Variants in RBBP9 observed in about 807,000 individuals in gnomAD.
The protein encoded by RBBP9 is RB binding protein 9, serine hydrolase, also known as serine hydrolase RBBP9.
In RBBP9, 20 loss-of-function variants were observed where a neutral mutation model predicts 24.2. The observed-to-expected ratio is 0.83, with a 90% CI of 0.58 to 1.20. RBBP9 has a LOEUF of 1.20. RBBP9 is among the 50% of genes most tolerant of loss of function. RBBP9 has a pLI of 0.00. For missense variants in RBBP9, 234 were observed against 233.6 expected (o/e 1.00, Z -0.01); for synonymous variants, 74 against 84.6 (o/e 0.87, Z 0.69).
intron 1 of RBBP9, 132 bp downstream of exon 1, chr20:18,496,937 G>A: frequency 2.8e-6 from 2 of 705,252 alleles, no homozygotes; most frequent in Non-Finnish European, 4.8e-6. Flanking sequence ...GAAGGCAGCG[G>A]GGGAGAGGCA....
At chr20:18,491,679 T>C (rs574560394) in intron 3 of RBBP9, among the ~76,000 whole-genome samples, 15 of 152,208 alleles carry the variant, frequency 9.9e-5, no homozygotes, top group African/African-American at 3.4e-4. Flanking sequence ...GAAAGACACA[T>C]AGTAGTAATA....
In RBBP9 at chr20:18,491,422, G is replaced by A. The variant is rs2059865042; in HGVS notation, c.249-942C>T. Among the ~76,000 whole-genome samples, 3 of 152,134 alleles carry A rather than the reference G, an allele frequency of 2.0e-5. No individual in the cohort carries two copies. In the South Asian group the frequency reaches 6.2e-4, roughly 32 times the overall value. ...CAAGTAGACACCCAGCTAACTCTTA[G>A]GTTGGTACAAAAGTAATTGCAGTTT... On this transcript the variant is annotated intron_variant, in intron 3 of 4. Coordinates refer to ENST00000337227, the MANE Select transcript of RBBP9 (RefSeq NM_006606.3).
intron 1 of RBBP9, among the ~76,000 whole-genome samples, chr20:18,496,540 A>G (rs2059887401): frequency 6.6e-6 from 1 of 152,228 alleles, no homozygotes; most frequent in Non-Finnish European, 1.5e-5. Flanking sequence ...TAAAAAGAGA[A>G]GCAGATGAAA....
intron 3 of RBBP9, among the ~76,000 whole-genome samples, chr20:18,490,785 T>C (rs1484835748): frequency 1.3e-5 from 2 of 151,796 alleles, no homozygotes; most frequent in Non-Finnish European, 2.9e-5. Flanking sequence ...GTTCAAACAA[T>C]TCTCCTGTTT....
intron 1 of RBBP9, 95 bp from the exon 2 acceptor site, chr20:18,495,975 C>T: frequency 2.9e-6 from 3 of 1,017,532 alleles, no homozygotes; most frequent in African/African-American, 1.7e-5. Flanking sequence ...ATGATCGTTA[C>T]CAATTCAGTA....
chr20:18,492,096 CAAAAA>C (rs71194242), intron 3 of RBBP9, among the ~76,000 whole-genome samples: 2 of 70,058 alleles, frequency 2.9e-5, no homozygotes, highest in Non-Finnish European at 5.3e-5. Flanking sequence ...GGCTCTGTCT[CAAAAA>C]AAAAAAAAAA....
chr20:18,495,644 G>GAAAAAAAAA, intron 2 of RBBP9, among the ~76,000 whole-genome samples, 194 bp downstream of exon 2: 1 of 91,756 alleles, frequency 1.1e-5, no homozygotes, highest in Non-Finnish European at 2.3e-5. Flanking sequence ...TCACAGAATT[G>GAAAAAAAAA]AAAAAAAAAA....
In RBBP9 at chr20:18,489,370, T is replaced by C. The variant is rs1307178581; in HGVS notation, c.*394A>G. On this transcript the variant is annotated 3_prime_UTR_variant, in exon 5 of 5. Transcript: ENST00000337227. ...ACTCTGGACTTTCAGTCATGTTTTC[T>C]TTCCCCAGTGAAATAGAAAAGTTTG... 5 of 156,208 alleles carry C rather than the reference T, an allele frequency of 3.2e-5. No individual in the cohort carries two copies. The highest frequency in any genetic ancestry group is 2.6e-4 in the Admixed American group (4 of 15,532). 9.7% of individuals were successfully genotyped at this position (156,208 alleles called of 1,614,324 possible).
In RBBP9 at chr20:18,495,899, G is replaced by A. The variant is rs769736378; in HGVS notation, c.100-19C>T. 4 of 1,509,310 alleles carry A rather than the reference G, an allele frequency of 2.7e-6. No individual in the cohort carries two copies. The highest frequency in any genetic ancestry group is 2.0e-5 in the Admixed American group (1 of 50,822). 93.5% of individuals were successfully genotyped at this position (1,509,310 alleles called of 1,614,324 possible). On this transcript the variant is annotated intron_variant, in intron 1 of 4. Transcript: ENST00000337227. ...CAGGTATCTATGATATGAGGGGGGA[G>A]AAAAAGCTATAATAAAGAGCTTAAT...
chr20:18,487,421 G>A lies in RBBP9; in HGVS notation c.*2343C>T, dbSNP rs2059848353. On this transcript the variant is annotated 3_prime_UTR_variant, in exon 5 of 5. Coordinates refer to ENST00000337227, the MANE Select transcript of RBBP9 (RefSeq NM_006606.3). ...TTCTTTTTTAGGAAAGGACTTCACAGAGAACAAGGCAAAGAATAAGTAATA... is the reference window on the plus strand; with the variant it reads ...TTCTTTTTTAGGAAAGGACTTCACAAAGAACAAGGCAAAGAATAAGTAATA... The A allele has an allele frequency of 6.6e-6, 1 of 152,128 alleles. No homozygotes were observed. Among genetic ancestry groups the A allele is most frequent in the South Asian group, 2.1e-4 (1 of 4,828 alleles). 9.4% of individuals were successfully genotyped at this position (152,128 alleles called of 1,614,324 possible).
intron 3 of RBBP9, among the ~76,000 whole-genome samples, chr20:18,492,693 A>G (rs2148873800): frequency 6.6e-6 from 1 of 152,296 alleles, no homozygotes; most frequent in South Asian, 2.1e-4. Context: ...TCAATAGGAA[A>G]TTCTACAACC....
intron 2 of RBBP9, among the ~76,000 whole-genome samples, chr20:18,495,165 A>T (rs1376305947): frequency 3.3e-5 from 5 of 149,482 alleles, no homozygotes; most frequent in African/African-American, 1.2e-4. Flanking sequence ...GGTGGGGAAA[A>T]GATTGAGAAA....
chr20:18,496,794 A>C lies in RBBP9; in HGVS notation c.99+275T>G, dbSNP rs556485377. The stretch of plus-strand genomic sequence containing the variant: ...TCCCAAATCTGAACCAGCAGCAGAT[A>C]CGGGGGGCGGGGCTCAGGGGCTCAG... On this transcript the variant is annotated intron_variant, in intron 1 of 4. Coordinates refer to ENST00000337227, the MANE Select transcript of RBBP9 (RefSeq NM_006606.3). Among the ~76,000 whole-genome samples the C allele has an allele frequency of 5.9e-5, 9 of 152,300 alleles. No homozygotes were observed. In the South Asian group the frequency reaches 1.9e-3, roughly 32 times the overall value.
At chr20:18,493,905 A>G (rs1471874134) in intron 3 of RBBP9, 53 bp downstream of exon 3, 2 of 1,378,510 alleles carry the variant, frequency 1.5e-6, no homozygotes, top group Admixed American at 4.4e-5. Context: ...GTATTTCTCA[A>G]GCAAGCATGA....
At chr20:18,495,695 T>A in intron 2 of RBBP9, 143 bp downstream of exon 2, 2 of 451,748 alleles carry the variant, frequency 4.4e-6, no homozygotes, top group Non-Finnish European at 4.0e-6. Context: ...CACACCCTCC[T>A]CCCCAAGCTG....
rs762884673 is a variant in RBBP9, at chr20:18,497,168, G to C, written c.-1C>G. On this transcript the variant is annotated 5_prime_UTR_variant, in exon 1 of 5. Coordinates refer to ENST00000337227, the MANE Select transcript of RBBP9 (RefSeq NM_006606.3). ...TCACTGCCTTGCTAGGAGAAGCCAT[G>C]AGTGCAGCGAGGCCAGAGTTCCCCA... is the stretch of plus-strand genomic sequence containing the variant. 7.4e-6 allele frequency: 12 copies of C among 1,612,304 alleles called. No individual in the cohort carries two copies. In the East Asian group the frequency reaches 2.5e-4, roughly 33 times the overall value.
chr20:18,497,053 G>T lies in RBBP9; in HGVS notation c.99+16C>A. On this transcript the variant is annotated intron_variant, in intron 1 of 4. Coordinates refer to ENST00000337227, the MANE Select transcript of RBBP9 (RefSeq NM_006606.3). ...CTCCAGGCTGACTTCACGGAGCAGC[G>T]GCGTTGGGCGCTTACCTTCTCCAGC... 1 of 1,608,572 alleles carries T rather than the reference G, an allele frequency of 6.2e-7. No homozygotes were observed.
intron 1 of RBBP9, among the ~76,000 whole-genome samples, chr20:18,496,670 C>T (rs1435401762): frequency 1.3e-5 from 2 of 152,076 alleles, no homozygotes; most frequent in African/African-American, 2.4e-5. Context: ...ATAATGTAGA[C>T]GCATGTTACG....
rs1600210686 is a variant in RBBP9, at chr20:18,487,049, G to A, written c.*2715C>T. On this transcript the variant is annotated 3_prime_UTR_variant, in exon 5 of 5. Coordinates refer to ENST00000337227, the MANE Select transcript of RBBP9 (RefSeq NM_006606.3). ...TATTACTCATTATTGGATGGTGGGT[G>A]AGGGGAAAATACAAAATATATGTCC... The A allele has an allele frequency of 6.6e-6, 1 of 152,312 alleles. No individual in the cohort carries two copies. Among genetic ancestry groups the A allele is most frequent in the Non-Finnish European group, 1.5e-5 (1 of 68,024 alleles). The allele number at this position is 152,312 out of a possible 1,614,324, so 9.4% of individuals were successfully genotyped here. A position where few individuals can be genotyped will look rare whatever the true frequency, so the allele number is the denominator to read the frequency against.
Sources: gnomAD v4.1 joint callset for allele counts (sites outside exome capture counted in the v4.1 genomes callset) on GRCh38, gnomAD v4.1.1 for gene constraint, MANE v1.5 for transcripts, NCBI Gene and HGNC (gene_info 2026-07-23, HGNC 2026-07-21) for gene names.